Variants in KCNG1 observed in about 807,000 individuals in gnomAD.
KCNG1 encodes the protein potassium voltage-gated channel modifier subfamily G member 1, also known as voltage-gated potassium channel regulatory subunit KCNG1.
KCNG1 carries 17 observed loss-of-function variants against 32.4 expected under a neutral mutation model. That is an observed-to-expected ratio of 0.52 (90% CI 0.36 to 0.79). KCNG1 has a LOEUF of 0.79. KCNG1 is among the 30% of genes least tolerant of loss of function. KCNG1 has a pLI of 0.00. For synonymous variants in KCNG1, 358 were observed against 339.9 expected, an observed-to-expected ratio of 1.05 and a Z score of -0.59; for missense variants, 441 against 735.2, an observed-to-expected ratio of 0.60 and a Z score of 4.63.
chr20:51,008,668 T>A (rs911685796), intron 2 of KCNG1, among the ~76,000 whole-genome samples: 2 of 152,160 alleles, frequency 1.3e-5, no homozygotes, highest in African/African-American at 4.8e-5. Flanking sequence ...AGCTGAGATT[T>A]TGAATTTTTA....
chr20:51,021,632 TATCTC>T (rs1988488664), intron 1 of KCNG1, among the ~76,000 whole-genome samples: 1 of 152,130 alleles, frequency 6.6e-6, no homozygotes. Flanking sequence ...CCCCTGTACT[TATCTC>T]AGGGAGTCAG....
chr20:51,006,583 A>C (rs1987836409), intron 2 of KCNG1: 1 of 152,092 alleles, frequency 6.6e-6, no homozygotes, highest in Non-Finnish European at 1.5e-5. Context: ...CCCAGGCTGG[A>C]GTGCAATGGC....
chr20:51,011,861 A>T (rs1988107207), intron 1 of KCNG1, among the ~76,000 whole-genome samples: 3 of 152,226 alleles, frequency 2.0e-5, no homozygotes, highest in Admixed American at 2.0e-4. Context: ...CAGTGGCACG[A>T]TCTTGGCTCA....
intron 1 of KCNG1, among the ~76,000 whole-genome samples, chr20:51,021,006 C>G (rs1988459938): frequency 6.6e-6 from 1 of 152,196 alleles, no homozygotes; most frequent in African/African-American, 2.4e-5. Context: ...CATGTCACAT[C>G]TCCCTCCCAG....
At position 51,015,619 on chromosome 20, in the gene KCNG1, G is replaced by A. The variant is rs1988253490; in HGVS notation, c.-26-5255C>T. Among the ~76,000 whole-genome samples the A allele has an allele frequency of 6.6e-6, 1 of 152,180 alleles. No homozygotes were observed. Among genetic ancestry groups the A allele is most frequent in the African/African-American group, 2.4e-5 (1 of 41,434 alleles). On this transcript the variant is annotated intron_variant, in intron 1 of 2. Transcript: ENST00000371571. The surrounding 1 kb of genome is among the most constrained non-coding windows in gnomAD (Gnocchi z 4.4). Reference sequence around the variant, plus strand: ...TGAAGCTGCATCACATCAGGCCAGAGTGGTCAGGGCAGGGCATATGGTAGG... The same window carrying A: ...TGAAGCTGCATCACATCAGGCCAGAATGGTCAGGGCAGGGCATATGGTAGG...
chr20:51,020,825 ATCTCTT>A (rs1305654351), intron 1 of KCNG1, among the ~76,000 whole-genome samples: 2 of 152,114 alleles, frequency 1.3e-5, no homozygotes, highest in Non-Finnish European at 2.9e-5. Flanking sequence ...TCCAGCACAC[ATCTCTT>A]TGTTCTTCTG....
Position 51,004,372 on chromosome 20 carries a change from G to T in KCNG1, c.1209C>A (p.Ala403=), listed in dbSNP as rs150548464. Residue 403 remains alanine (A), a synonymous_variant, in exon 3 of 3, where the codon GCC becomes GCA. Transcript: ENST00000371571. This position sits in a 1 kb window ranked among gnomAD's most constrained non-coding sequence, Gnocchi z 4.3. ...GGATGCTGGTGAACTCGGGGCTGTC[G>T]GCCATCTCGTTCTCGATGACGTAGA... ...PLLYVIENEM[A]DSPEFTSIPA... 1.1e-3 allele frequency: 1,789 copies of T among 1,613,792 alleles called. 3 individuals carry two copies. Among genetic ancestry groups the T allele is most frequent in the Non-Finnish European group, 1.4e-3 (1,626 of 1,179,726 alleles).
intron 1 of KCNG1, chr20:51,014,072 G>C (rs1426197114): frequency 6.6e-5 from 10 of 152,150 alleles, no homozygotes; most frequent in Admixed American, 3.9e-4. Context: ...CCCCACGTGA[G>C]TTTCCTGTGT....
rs565936291 is a variant in KCNG1, at chr20:51,013,384, T to C, written c.-26-3020A>G. On this transcript the variant is annotated intron_variant, in intron 1 of 2. Transcript: ENST00000371571. ...CCAATGGAATCAAGTGGTAAAAATC[T>C]ATCAATTCCAAACGGAAACCCATTT... Among the ~76,000 whole-genome samples the C allele has an allele frequency of 1.3e-4, 20 of 152,268 alleles. No individual in the cohort carries two copies. The East Asian group carries it at 3.7e-3, about 28-fold the overall frequency.
intron 1 of KCNG1, chr20:51,022,589 G>C (rs1053272481): frequency 1.3e-5 from 2 of 152,128 alleles, no homozygotes; most frequent in Non-Finnish European, 2.9e-5. Flanking sequence ...GGTCACCGCG[G>C]CGGCGAACGT....
In KCNG1 at chr20:51,019,695, C is replaced by T. The variant is rs140957826; in HGVS notation, c.-27+3175G>A. 1.4e-4 allele frequency among the ~76,000 whole-genome samples: 21 copies of T among 152,186 alleles called. No homozygotes were observed. The Middle Eastern group carries it at 0.017, about 123-fold the overall frequency. ...ACCATGCCTCTCAACCTGTGCCATTCCCTCACTCCCAGTGGGTGTCTCGGG... is the reference window on the plus strand; with the variant it reads ...ACCATGCCTCTCAACCTGTGCCATTTCCTCACTCCCAGTGGGTGTCTCGGG... On this transcript the variant is annotated intron_variant, in intron 1 of 2. Coordinates refer to ENST00000371571, the MANE Select transcript of KCNG1 (RefSeq NM_002237.4).
chr20:51,011,837 C>T (rs6013059), intron 1 of KCNG1, among the ~76,000 whole-genome samples: 73,948 of 152,162 alleles, frequency 0.49, 19,136 homozygotes, highest in African/African-American at 0.69. Context: ...CGCTCTTTTG[C>T]CTAGGCTGGA....
At position 51,010,195 on chromosome 20, in the gene KCNG1, C is replaced by A; in HGVS notation, c.144G>T (p.Pro48=). Reference sequence around the variant, plus strand: ...GACAGCCCTGGCGGGGCTCATCCTGCGGCCGCAGCCGCTGCGCCCGGCGGT... The same window carrying A: ...GACAGCCCTGGCGGGGCTCATCCTGAGGCCGCAGCCGCTGCGCCCGGCGGT... The part of the protein sequence containing the change: ...AFYRRAQRLR[P]QDEPRQGCQP... Residue 48 remains proline (P), a synonymous_variant, in exon 2 of 3, where the codon CCG becomes CCT. Coordinates refer to ENST00000371571, the MANE Select transcript of KCNG1 (RefSeq NM_002237.4). 6.3e-7 allele frequency: 1 copy of A among 1,593,358 alleles called. No individual in the cohort carries two copies. Among genetic ancestry groups the A allele is most frequent in the Non-Finnish European group, 8.5e-7 (1 of 1,170,832 alleles).
chr20:51,008,113 T>G (rs1011069060), intron 2 of KCNG1: 1 of 152,218 alleles, frequency 6.6e-6, no homozygotes, highest in Non-Finnish European at 1.5e-5. Flanking sequence ...ATACAATTTG[T>G]ACCTCTGAAA....
In KCNG1 at chr20:51,004,712, G is replaced by A. The variant is rs888914102; in HGVS notation, c.869C>T (p.Ala290Val). ...CCGCAGGAAGGCGAACTTGCTGGGC[G>A]CCTGAATGAGCCGCAGGAGGAACTC... ...SLEFLLRLIQ[A>V]PSKFAFLRSP... Residue 290 changes from alanine (A) to valine (V), a missense_variant, in exon 3 of 3, where the codon GCG becomes GTG. Around this residue, in one of 6 missense-constraint regions of KCNG1, gnomAD observed 169 missense variants for 297.7 expected, o/e 0.57. Coordinates refer to ENST00000371571, the MANE Select transcript of KCNG1 (RefSeq NM_002237.4). This position sits in a 1 kb window ranked among gnomAD's most constrained non-coding sequence, Gnocchi z 4.3. 14 of 1,594,820 alleles carry A rather than the reference G, an allele frequency of 8.8e-6. No homozygotes were observed. The highest frequency in any genetic ancestry group is 1.3e-5 in the African/African-American group (1 of 74,590).
At chr20:51,017,736 C>T (rs1405684375) in intron 1 of KCNG1, among the ~76,000 whole-genome samples, 7 of 152,030 alleles carry the variant, frequency 4.6e-5, no homozygotes, top group Non-Finnish European at 8.8e-5. Flanking sequence ...GAGAGGGGAC[C>T]GGGAATGCCT....
At chr20:51,018,583 CA>C (rs1363622063) in intron 1 of KCNG1, among the ~76,000 whole-genome samples, 1 of 152,172 alleles carries the variant, frequency 6.6e-6, no homozygotes, top group African/African-American at 2.4e-5. Context: ...GCTAACTGCA[CA>C]AAGTGTTATA....
At chr20:51,008,769 T>A (rs772169245) in intron 2 of KCNG1, among the ~76,000 whole-genome samples, 66 of 152,180 alleles carry the variant, frequency 4.3e-4, no homozygotes, top group Non-Finnish European at 9.3e-4. Context: ...TGGGGCTATA[T>A]TAGGTCCCCA....
chr20:51,003,884 G>A lies in KCNG1; in HGVS notation c.*155C>T. ...GCTGATGTTCTAGTGTTCTTCCCGG[G>A]GTGTGGGAGTGAGGGTGTCCTTCCC... On this transcript the variant is annotated 3_prime_UTR_variant, in exon 3 of 3. Coordinates refer to ENST00000371571, the MANE Select transcript of KCNG1 (RefSeq NM_002237.4). The A allele has an allele frequency of 1.4e-6, 1 of 736,004 alleles. No homozygotes were observed. The highest frequency in any genetic ancestry group is 2.2e-6 in the Non-Finnish European group (1 of 460,358). 45.6% of individuals were successfully genotyped at this position (736,004 alleles called of 1,614,324 possible).
Sources: gnomAD v4.1 joint callset for allele counts (sites outside exome capture counted in the v4.1 genomes callset) on GRCh38, gnomAD v4.1.1 for gene constraint, gnomAD v4.1.1 regional missense constraint, Gnocchi (gnomAD v3.1) non-coding constraint, MANE v1.5 for transcripts, NCBI Gene and HGNC (gene_info 2026-07-23, HGNC 2026-07-21) for gene names.